The following GRIN2B variants were observed in gnomAD, a reference collection of about 807,000 sequenced individuals.
GRIN2B encodes glutamate ionotropic receptor NMDA type subunit 2B, also known as glutamate receptor ionotropic, NMDA 2B.
GRIN2B carries 5 observed loss-of-function variants against 114.5 expected under a neutral mutation model. That is an observed-to-expected ratio of 0.04 (90% CI 0.02 to 0.09). The LOEUF (loss-of-function observed/expected upper bound fraction) is 0.09. Ranked by LOEUF, GRIN2B falls within the 10% of genes least tolerant of loss-of-function variation. The pLI, the probability that GRIN2B is intolerant of heterozygous loss-of-function variation, is 1.00. For synonymous variants in GRIN2B, 787 were observed against 745.1 expected (o/e 1.06, Z -0.92); for missense variants, 1,108 against 1,943.5 (o/e 0.57, Z 8.08).
chr12:13,838,872 C>T (rs567516155), intron 3 of GRIN2B, among the ~76,000 whole-genome samples: 1 of 152,322 alleles, frequency 6.6e-6, no homozygotes, highest in South Asian at 2.1e-4. Flanking sequence ...ATAAATCTGC[C>T]TCTTCCCCTC....
intron 4 of GRIN2B, among the ~76,000 whole-genome samples, chr12:13,720,136 G>C (rs549461030): frequency 6.6e-6 from 1 of 151,980 alleles, no homozygotes; most frequent in East Asian, 1.9e-4. Flanking sequence ...AGTCAGCCTG[G>C]CTTTGTCTAA....
intron 5 of GRIN2B, among the ~76,000 whole-genome samples, chr12:13,650,011 T>A (rs1300786099): frequency 6.6e-6 from 1 of 152,098 alleles, no homozygotes; most frequent in East Asian, 1.9e-4. Flanking sequence ...GCAGCCACTA[T>A]ACACCATGCT....
intron 3 of GRIN2B, among the ~76,000 whole-genome samples, chr12:13,785,221 C>G (rs1864203031): frequency 6.6e-6 from 1 of 152,166 alleles, no homozygotes; most frequent in African/African-American, 2.4e-5. Flanking sequence ...CTTAATTTTT[C>G]CATTAAAATC....
intron 2 of GRIN2B, among the ~76,000 whole-genome samples, chr12:13,972,689 G>A (rs1862948703): frequency 6.6e-6 from 1 of 152,170 alleles, no homozygotes; most frequent in Admixed American, 6.5e-5. Context: ...TAGGCCACAT[G>A]GCCAACCTTA....
chr12:13,942,131 C>T (rs1300940446), intron 2 of GRIN2B, among the ~76,000 whole-genome samples: 1 of 152,196 alleles, frequency 6.6e-6, no homozygotes, highest in Non-Finnish European at 1.5e-5. Context: ...TCCATTGGAA[C>T]CAAGGGCTTC....
chr12:13,788,259 G>C (rs1289917431), intron 3 of GRIN2B, among the ~76,000 whole-genome samples: 1 of 152,152 alleles, frequency 6.6e-6, no homozygotes, highest in African/African-American at 2.4e-5. Context: ...TGCGGGGACA[G>C]AACTGGACTC....
intron 4 of GRIN2B, among the ~76,000 whole-genome samples, chr12:13,736,608 A>G (rs1863188412): frequency 6.6e-6 from 1 of 152,200 alleles, no homozygotes; most frequent in African/African-American, 2.4e-5. Flanking sequence ...AAATAAAAAA[A>G]AAGCCAGCTA....
chr12:13,660,511 G>C (rs77261302), intron 5 of GRIN2B, among the ~76,000 whole-genome samples: 1,950 of 152,246 alleles, frequency 0.013, 40 homozygotes, highest in African/African-American at 0.044. Flanking sequence ...GGCAGCAAAA[G>C]CAATGCCTCC....
intron 4 of GRIN2B, among the ~76,000 whole-genome samples, chr12:13,717,328 T>G (rs1950464896): frequency 6.6e-6 from 1 of 151,784 alleles, no homozygotes; most frequent in Non-Finnish European, 1.5e-5. Flanking sequence ...TGATTTAAAA[T>G]AAAAGCAAGG....
intron 2 of GRIN2B, among the ~76,000 whole-genome samples, chr12:13,907,556 A>T (rs1261609272): frequency 6.6e-6 from 1 of 151,946 alleles, no homozygotes; most frequent in Admixed American, 6.6e-5. Context: ...CTTTATTATC[A>T]CGTTCAAGAA....
At chr12:13,901,533 G>A (rs1303216810) in intron 2 of GRIN2B, among the ~76,000 whole-genome samples, 1 of 151,952 alleles carries the variant, frequency 6.6e-6, no homozygotes, top group Non-Finnish European at 1.5e-5. Flanking sequence ...TGGCTAGTGA[G>A]AATAAAGAAG....
In GRIN2B at chr12:13,548,866, C is replaced by G. The variant is rs1948378399; in HGVS notation, c.*13917G>C. On this transcript the variant is annotated 3_prime_UTR_variant, in exon 14 of 14. Transcript: ENST00000609686. ...CTCCATTTCCTCCGATCATCTGAAA[C>G]TAGCCTCCTGAACCAGGCTCCGGGG... 6.6e-6 allele frequency: 1 copy of G among 152,100 alleles called. No individual in the cohort carries two copies. Among genetic ancestry groups the G allele is most frequent in the Non-Finnish European group, 1.5e-5 (1 of 68,020 alleles). The allele number at this position is 152,100 out of a possible 1,614,324, so 9.4% of individuals were successfully genotyped here.
intron 3 of GRIN2B, among the ~76,000 whole-genome samples, chr12:13,795,508 A>C (rs1299807720): frequency 6.6e-6 from 1 of 152,190 alleles, no homozygotes; most frequent in East Asian, 1.9e-4. Context: ...GCATAATTTT[A>C]TTGTTGCATA....
At position 13,551,519 on chromosome 12, in the gene GRIN2B, T is replaced by C. The variant is rs1197287485; in HGVS notation, c.*11264A>G. ...CTGTCAAACCTTGAGGGATCAATGA[T>C]CCACAAGCCAGGTAGAGCAAAGAGA... On this transcript the variant is annotated 3_prime_UTR_variant, in exon 14 of 14. Coordinates refer to ENST00000609686, the MANE Select transcript of GRIN2B (RefSeq NM_000834.5). 1 of 152,176 alleles carries C rather than the reference T, an allele frequency of 6.6e-6. No homozygotes were observed. 9.4% of individuals were successfully genotyped at this position (152,176 alleles called of 1,614,324 possible). A position where few individuals can be genotyped will look rare whatever the true frequency, so the allele number is the denominator to read the frequency against.
rs1257915615 is a variant in GRIN2B, at chr12:13,542,914, C to A, written c.*19869G>T. ...GCCCTGGGGCCTGGAGGTGGAGATG[C>A]CCTTCTTGCCCCTCATTGCCATTCC... On this transcript the variant is annotated 3_prime_UTR_variant, in exon 14 of 14. Transcript: ENST00000609686. 6.6e-6 allele frequency: 1 copy of A among 152,092 alleles called. No homozygotes were observed. The highest frequency in any genetic ancestry group is 1.5e-5 in the Non-Finnish European group (1 of 68,042). 9.4% of individuals were successfully genotyped at this position (152,092 alleles called of 1,614,324 possible). A position where few individuals can be genotyped will look rare whatever the true frequency, so the allele number is the denominator to read the frequency against.
chr12:13,651,484 C>T (rs2136516988), intron 5 of GRIN2B, among the ~76,000 whole-genome samples: 1 of 152,150 alleles, frequency 6.6e-6, no homozygotes, highest in East Asian at 1.9e-4. Flanking sequence ...AGCACCACTA[C>T]CTTTATATTC....
intron 5 of GRIN2B, among the ~76,000 whole-genome samples, chr12:13,633,404 C>A (rs1176601682): frequency 6.6e-6 from 1 of 152,172 alleles, no homozygotes; most frequent in African/African-American, 2.4e-5. Flanking sequence ...AAAAGTGAGT[C>A]TTTGGAGACA....
chr12:13,906,010 C>T, intron 2 of GRIN2B, among the ~76,000 whole-genome samples: 1 of 152,160 alleles, frequency 6.6e-6, no homozygotes, highest in East Asian at 1.9e-4. Context: ...CCCTCTTCTG[C>T]CAGGCCATGA....
intron 5 of GRIN2B, among the ~76,000 whole-genome samples, chr12:13,646,616 C>T (rs376296911): frequency 1.6e-4 from 24 of 152,158 alleles, no homozygotes; most frequent in South Asian, 8.3e-4. Flanking sequence ...TATAAGCTTT[C>T]GCTTTCTTCT....
Sources: allele counts gnomAD v4.1 joint callset (sites outside exome capture counted in the v4.1 genomes callset), GRCh38; gene constraint gnomAD v4.1.1; transcripts MANE v1.5; gene names NCBI Gene and HGNC (gene_info 2026-07-23, HGNC 2026-07-21).